The following BNC2 variants were observed in gnomAD, a reference collection of about 807,000 sequenced individuals.
BNC2 encodes the protein basonuclin zinc finger protein 2, also known as zinc finger protein basonuclin-2.
In BNC2, 20 loss-of-function variants were observed where a neutral mutation model predicts 76.3. That is an observed-to-expected ratio of 0.26 (90% CI 0.18 to 0.38). The LOEUF (loss-of-function observed/expected upper bound fraction) is 0.38. Ranked by LOEUF, BNC2 falls within the 10% of genes least tolerant of loss-of-function variation. The pLI is 1.00. For missense variants in BNC2, 1,382 were observed against 1,399.8 expected (o/e 0.99, Z 0.20); for synonymous variants, 582 against 514.8 (o/e 1.13, Z -1.77).
At position 16,665,462 on chromosome 9, in the gene BNC2, GAAAGAAAGAAAGAAAGAAAGAAAGAA is replaced by G. The variant is rs1563887977; in HGVS notation, c.330+62309_330+62334del. On this transcript the variant is annotated intron_variant, in intron 3 of 6. Coordinates refer to ENST00000380672, the MANE Select transcript of BNC2 (RefSeq NM_017637.6). ...AGAAAGAAAGAAAGAAAGAAAGAAA[GAAAGAAAGAAAGAAAGAAAGAAAGAA>G]AGAGAGAGAGAGAAATCACAGCAAA... Among the ~76,000 whole-genome samples, 456 of 141,044 alleles carry G rather than the reference GAAAGAAAGAAAGAAAGAAAGAAAGAA, an allele frequency of 3.2e-3. 4 individuals carry two copies. The highest frequency in any genetic ancestry group is 0.012 in the African/African-American group (435 of 37,668). 92.5% of individuals were successfully genotyped at this position (141,044 alleles called of 152,430 possible).
At chr9:16,832,359 C>G in intron 1 of BNC2, 2 of 1,236,514 alleles carry the variant, frequency 1.6e-6, no homozygotes, top group Non-Finnish European at 1.0e-6. Flanking sequence ...ATCTGTGAAA[C>G]AGAACAGAGA....
intron 1 of BNC2, chr9:16,832,263 G>A (rs1383550132): frequency 2.3e-5 from 29 of 1,283,100 alleles, no homozygotes; most frequent in Non-Finnish European, 2.9e-5. Context: ...AGAAAATCTA[G>A]AAGGTTCTTT....
intron 5 of BNC2, among the ~76,000 whole-genome samples, chr9:16,519,383 C>A (rs1319212494): frequency 6.6e-6 from 1 of 152,328 alleles, no homozygotes; most frequent in Non-Finnish European, 1.5e-5. Flanking sequence ...GGAATTGGAG[C>A]TTTTATCTCA....
chr9:16,608,512 A>G lies in BNC2; in HGVS notation c.331-25427T>C, dbSNP rs566055550. Among the ~76,000 whole-genome samples, 5 of 152,144 alleles carry G rather than the reference A, an allele frequency of 3.3e-5. No homozygotes were observed. In the South Asian group the frequency reaches 1.0e-3, roughly 32 times the overall value. Reference sequence around the variant, plus strand: ...CATTTAAAAATAATCAATTTTTTAAATTTTGTTTTAAAGAGATAGACTCTT... The same window carrying G: ...CATTTAAAAATAATCAATTTTTTAAGTTTTGTTTTAAAGAGATAGACTCTT... On this transcript the variant is annotated intron_variant, in intron 3 of 6. Transcript: ENST00000380672.
intron 5 of BNC2, among the ~76,000 whole-genome samples, chr9:16,514,041 T>TATACGTGCA (rs1469917303): frequency 1.4e-4 from 21 of 152,250 alleles, no homozygotes; most frequent in Non-Finnish European, 2.1e-4. Flanking sequence ...TACGTGTGGC[T>TATACGTGCA]ATCTCCTGCA....
intron 3 of BNC2, among the ~76,000 whole-genome samples, chr9:16,701,572 A>T (rs1823514070): frequency 6.6e-6 from 1 of 152,230 alleles, no homozygotes; most frequent in Non-Finnish European, 1.5e-5. Context: ...TTTATTTTAG[A>T]TCTTAAGATG....
intron 1 of BNC2, among the ~76,000 whole-genome samples, chr9:16,848,032 AT>A (rs1376459400): frequency 6.6e-6 from 1 of 152,206 alleles, no homozygotes; most frequent in Non-Finnish European, 1.5e-5. Context: ...GAAACCTATG[AT>A]GCAGTAGCTT....
chr9:16,482,689 C>A (rs1386210387), intron 5 of BNC2, among the ~76,000 whole-genome samples: 1 of 152,186 alleles, frequency 6.6e-6, no homozygotes, highest in African/African-American at 2.4e-5. Flanking sequence ...TCAGGAATAA[C>A]TGGGATCACA....
At chr9:16,720,739 CTAAA>C (rs1824131975) in intron 3 of BNC2, among the ~76,000 whole-genome samples, 1 of 151,990 alleles carries the variant, frequency 6.6e-6, no homozygotes, top group Non-Finnish European at 1.5e-5. Flanking sequence ...AATTTGGTTC[CTAAA>C]CTAGCCAATT....
chr9:16,813,334 C>T (rs1276412176), intron 1 of BNC2, among the ~76,000 whole-genome samples: 2 of 151,308 alleles, frequency 1.3e-5, no homozygotes, highest in Non-Finnish European at 2.9e-5. Context: ...GGTGCGATCT[C>T]GGCTCACTGC....
chr9:16,508,130 T>TGCATATA (rs1414896531), intron 5 of BNC2, among the ~76,000 whole-genome samples: 2 of 152,224 alleles, frequency 1.3e-5, no homozygotes, highest in Non-Finnish European at 2.9e-5. Flanking sequence ...AAAGTTTAAG[T>TGCATATA]ACTGCAACAA....
intron 1 of BNC2, among the ~76,000 whole-genome samples, chr9:16,859,289 T>C (rs1352661114): frequency 1.3e-5 from 2 of 152,196 alleles, no homozygotes; most frequent in Non-Finnish European, 2.9e-5. Flanking sequence ...GAAAACAGTA[T>C]GGAGGTTCCT....
chr9:16,846,937 G>C (rs894483397), intron 1 of BNC2, among the ~76,000 whole-genome samples: 2 of 152,156 alleles, frequency 1.3e-5, no homozygotes, highest in Non-Finnish European at 2.9e-5. Context: ...ATAATTACTG[G>C]TAAAGACAGA....
chr9:16,620,329 G>A (rs1397088277), intron 3 of BNC2, among the ~76,000 whole-genome samples: 1 of 152,246 alleles, frequency 6.6e-6, no homozygotes, highest in Middle Eastern at 3.4e-3. Context: ...AAATACCACT[G>A]TATTAAACTC....
intron 3 of BNC2, among the ~76,000 whole-genome samples, chr9:16,707,926 G>A (rs1418455016): frequency 6.6e-6 from 1 of 152,202 alleles, no homozygotes; most frequent in African/African-American, 2.4e-5. Flanking sequence ...ACAGGTGTGA[G>A]CCACCACGCC....
At chr9:16,505,845 C>G (rs1477344848) in intron 5 of BNC2, among the ~76,000 whole-genome samples, 1 of 152,168 alleles carries the variant, frequency 6.6e-6, no homozygotes, top group Non-Finnish European at 1.5e-5. Context: ...GTTTCTGAAG[C>G]TGTAAGGCCA....
intron 3 of BNC2, among the ~76,000 whole-genome samples, chr9:16,682,468 T>A (rs1041044623): frequency 1.3e-5 from 2 of 152,006 alleles, no homozygotes; most frequent in South Asian, 4.2e-4. Flanking sequence ...CACAGTAGCT[T>A]GTCAAATTAT....
chr9:16,582,834 C>G, intron 4 of BNC2, 149 bp downstream of exon 4: 1 of 698,610 alleles, frequency 1.4e-6, no homozygotes, highest in Non-Finnish European at 2.5e-6. Flanking sequence ...TGAATCTTAA[C>G]TAACACTTGG....
At chr9:16,561,934 G>C (rs554853792) in intron 4 of BNC2, among the ~76,000 whole-genome samples, 34 of 152,242 alleles carry the variant, frequency 2.2e-4, no homozygotes, top group Non-Finnish European at 4.0e-4. Context: ...AGCCCACGGA[G>C]GTCGAAGCTG....
Sources: gnomAD v4.1 joint callset for allele counts (sites outside exome capture counted in the v4.1 genomes callset) on GRCh38, gnomAD v4.1.1 for gene constraint, MANE v1.5 for transcripts, NCBI Gene and HGNC (gene_info 2026-07-23, HGNC 2026-07-21) for gene names.